The following DPP6 variants were observed in gnomAD, a reference collection of about 807,000 sequenced individuals.
DPP6 encodes the protein A-type potassium channel modulatory protein DPP6.
In DPP6, 69 loss-of-function variants were observed where a neutral mutation model predicts 122.6. The ratio of observed to expected loss-of-function variants is 0.56; its 90% CI spans 0.46 to 0.69. The LOEUF (loss-of-function observed/expected upper bound fraction) is 0.69, where lower values mean the gene tolerates loss of function less well. Ranked by LOEUF, DPP6 falls within the 30% of genes least tolerant of loss-of-function variation. The probability of loss-of-function intolerance (pLI) is 0.00; values close to 1 mark genes in which losing one functional copy is unlikely to be tolerated. For missense variants in DPP6, 928 were observed against 1,116.9 expected, an observed-to-expected ratio of 0.83 and a Z score of 2.41; for synonymous variants, 418 against 433.1, an observed-to-expected ratio of 0.97 and a Z score of 0.43.
chr7:153,900,059 G>A (rs1336478236), intron 1 of DPP6, among the ~76,000 whole-genome samples: 1 of 152,166 alleles, frequency 6.6e-6, no homozygotes, highest in Non-Finnish European at 1.5e-5. Flanking sequence ...AGCTTTAGAA[G>A]AACAAAATCT....
At chr7:153,828,156 A>G in the DPP6 span, among the ~76,000 whole-genome samples, 1 of 152,146 alleles carries the variant, frequency 6.6e-6, no homozygotes, top group Non-Finnish European at 1.5e-5. Flanking sequence ...CCCCACTGGC[A>G]GTGTCATGAG....
intron 1 of DPP6, among the ~76,000 whole-genome samples, chr7:154,333,201 G>A (rs180968773): frequency 6.6e-6 from 1 of 152,132 alleles, no homozygotes; most frequent in Non-Finnish European, 1.5e-5. Context: ...AGCCCAGTTT[G>A]GAGAGATATG....
intron 1 of DPP6, among the ~76,000 whole-genome samples, chr7:154,401,319 G>A (rs1226376726): frequency 6.6e-6 from 1 of 152,102 alleles, no homozygotes; most frequent in African/African-American, 2.4e-5. Flanking sequence ...CCTTAGAGAA[G>A]AAATAGAGAC....
intron 1 of DPP6, among the ~76,000 whole-genome samples, chr7:154,266,799 C>T (rs1803450585): frequency 6.6e-6 from 1 of 152,168 alleles, no homozygotes; most frequent in Non-Finnish European, 1.5e-5. Context: ...TTTCTTAGGA[C>T]ATCTAGAAAG....
At chr7:154,077,694 C>T (rs570346712) in intron 1 of DPP6, among the ~76,000 whole-genome samples, 1 of 147,610 alleles carries the variant, frequency 6.8e-6, no homozygotes, top group African/African-American at 2.5e-5. Context: ...TTTTTTGAGA[C>T]AGAGTCTCAC....
chr7:153,824,032 C>T, the DPP6 span, among the ~76,000 whole-genome samples: 1 of 152,266 alleles, frequency 6.6e-6, no homozygotes. Context: ...CCACAGCTTT[C>T]CGTACCATTG....
intron 3 of DPP6, among the ~76,000 whole-genome samples, chr7:154,490,292 C>G (rs1824162195): frequency 6.6e-6 from 1 of 152,276 alleles, no homozygotes; most frequent in African/African-American, 2.4e-5. Context: ...GAGACAACAC[C>G]CCCAGGTGTC....
At chr7:153,956,893 T>C (rs1234179286) in intron 1 of DPP6, among the ~76,000 whole-genome samples, 1 of 152,212 alleles carries the variant, frequency 6.6e-6, no homozygotes, top group Non-Finnish European at 1.5e-5. Flanking sequence ...CGGTTAGTTC[T>C]AACCAGCTCC....
rs1826478036 is a variant in DPP6 at position 154,516,109 on chromosome 7, G to A, written c.458-24423G>A. Among the ~76,000 whole-genome samples the A allele has an allele frequency of 1.3e-5, 2 of 152,158 alleles. 1 individual carries two copies. Among genetic ancestry groups the A allele is most frequent in the African/African-American group, 4.8e-5 (2 of 41,422 alleles). The stretch of plus-strand genomic sequence containing the variant: ...GGGATAGTCCAGTGAACTTGACAGA[G>A]TCTTCAAGGTCTTTCCTGGGGCCAG... On this transcript the variant is annotated intron_variant, in intron 3 of 25. Coordinates refer to ENST00000377770, the MANE Select transcript of DPP6 (RefSeq NM_130797.4).
chr7:153,922,566 T>A (rs1800688739), intron 1 of DPP6, among the ~76,000 whole-genome samples: 3 of 152,204 alleles, frequency 2.0e-5, no homozygotes, highest in Admixed American at 2.0e-4. Context: ...TTTCTCCAGG[T>A]CTGAGAAACA....
At chr7:154,090,923 A>G (rs984534743) in intron 1 of DPP6, among the ~76,000 whole-genome samples, 58 of 149,442 alleles carry the variant, frequency 3.9e-4, no homozygotes, top group African/African-American at 1.2e-3. Flanking sequence ...GATCGAGACC[A>G]TCCTGGCTAA....
chr7:153,771,208 G>A, the DPP6 span, among the ~76,000 whole-genome samples: 1 of 152,078 alleles, frequency 6.6e-6, no homozygotes, highest in Non-Finnish European at 1.5e-5. Flanking sequence ...AATTGCTGAA[G>A]AACAAAATAT....
intron 7 of DPP6, among the ~76,000 whole-genome samples, chr7:154,688,818 T>G (rs1839776112): frequency 6.6e-6 from 1 of 152,200 alleles, no homozygotes; most frequent in Non-Finnish European, 1.5e-5. Context: ...TAATCTCTTT[T>G]GGCAACACCC....
rs986930662 is a variant in DPP6, at chr7:154,481,095, C to T, written c.457+6058C>T. 4.6e-5 allele frequency among the ~76,000 whole-genome samples: 7 copies of T among 151,984 alleles called. No individual in the cohort carries two copies. Among genetic ancestry groups the T allele is most frequent in the African/African-American group, 1.7e-4 (7 of 41,364 alleles). On this transcript the variant is annotated intron_variant, in intron 3 of 25. Transcript: ENST00000377770. This position sits in a 1 kb window ranked among gnomAD's most constrained non-coding sequence, Gnocchi z 4.2. Reference sequence around the variant, plus strand: ...CCAGCAGCAGCAGGAAGGACCGAGGCTCTACTCCGGCACCTCAGGTACTAG... The same window carrying T: ...CCAGCAGCAGCAGGAAGGACCGAGGTTCTACTCCGGCACCTCAGGTACTAG...
chr7:154,208,493 C>T (rs1484994583), intron 1 of DPP6, among the ~76,000 whole-genome samples: 1 of 152,204 alleles, frequency 6.6e-6, no homozygotes, highest in East Asian at 1.9e-4. Flanking sequence ...TTGTCACTGC[C>T]TAGTTATATT....
intron 1 of DPP6, among the ~76,000 whole-genome samples, chr7:154,129,233 A>C (rs1808181711): frequency 6.6e-6 from 1 of 152,154 alleles, no homozygotes; most frequent in Non-Finnish European, 1.5e-5. Context: ...CATTGTGGCT[A>C]GTGTCACCAA....
intron 1 of DPP6, among the ~76,000 whole-genome samples, chr7:154,149,323 T>C (rs1796288215): frequency 6.6e-6 from 1 of 152,226 alleles, no homozygotes; most frequent in Non-Finnish European, 1.5e-5. Flanking sequence ...GGGCCTGTTG[T>C]TTCAAGCCCT....
At chr7:154,500,423 G>A (rs1825134072) in intron 3 of DPP6, among the ~76,000 whole-genome samples, 1 of 152,184 alleles carries the variant, frequency 6.6e-6, no homozygotes, top group African/African-American at 2.4e-5. Context: ...GTTTCGCTGT[G>A]TCACTACCCA....
At chr7:154,137,811 A>G (rs1211032342) in intron 1 of DPP6, among the ~76,000 whole-genome samples, 2 of 152,160 alleles carry the variant, frequency 1.3e-5, no homozygotes, top group African/African-American at 2.4e-5. Context: ...CCAAACCAAC[A>G]TGCATCAGGT....
Sources: gnomAD v4.1 joint callset for allele counts (sites outside exome capture counted in the v4.1 genomes callset) on GRCh38, gnomAD v4.1.1 for gene constraint, Gnocchi (gnomAD v3.1) non-coding constraint, MANE v1.5 for transcripts, NCBI Gene and HGNC (gene_info 2026-07-23, HGNC 2026-07-21) for gene names.